MEIS2: variants seen among roughly 807,000 people sequenced by gnomAD.
The protein encoded by MEIS2 is homeobox protein Meis2.
A neutral mutation model predicts 58.6 loss-of-function variants in MEIS2; 9 were observed. The ratio of observed to expected loss-of-function variants is 0.15; its 90% CI spans 0.09 to 0.27. The LOEUF is 0.27. Ranked by LOEUF, MEIS2 falls within the 10% of genes least tolerant of loss-of-function variation. The probability of loss-of-function intolerance (pLI) is 1.00; values close to 1 mark genes in which losing one functional copy is unlikely to be tolerated. For missense variants in MEIS2, 427 were observed against 635.0 expected (o/e 0.67, Z 3.52); for synonymous variants, 221 against 228.4 (o/e 0.97, Z 0.29).
chr15:37,099,081 CA>C, intron 1 of MEIS2: 1 of 990,268 alleles, frequency 1.0e-6, no homozygotes, highest in Non-Finnish European at 1.2e-6. Flanking sequence ...GCCACGGCGG[CA>C]GCGGCGCAGC....
chr15:37,051,995 T>C (rs1271974429), intron 7 of MEIS2, among the ~76,000 whole-genome samples: 3 of 151,574 alleles, frequency 2.0e-5, no homozygotes, highest in African/African-American at 7.3e-5. Flanking sequence ...AAAATACCGA[T>C]AATAACTTTG....
intron 8 of MEIS2, among the ~76,000 whole-genome samples, chr15:36,953,779 G>A (rs940617910): frequency 1.1e-4 from 17 of 152,140 alleles, no homozygotes; most frequent in African/African-American, 3.9e-4. Context: ...ATTCTTCTAA[G>A]GACTCATTTG....
chr15:36,997,023 C>CTG (rs1283276733), intron 8 of MEIS2, among the ~76,000 whole-genome samples: 3 of 152,306 alleles, frequency 2.0e-5, no homozygotes, highest in South Asian at 4.1e-4. Flanking sequence ...AGGGTGAATT[C>CTG]AAACAGCCTC....
chr15:36,996,650 T>C (rs2060532050), intron 8 of MEIS2, among the ~76,000 whole-genome samples: 1 of 152,176 alleles, frequency 6.6e-6, no homozygotes, highest in South Asian at 2.1e-4. Context: ...TCAAATATCA[T>C]GGCCCAAAAT....
intron 8 of MEIS2, among the ~76,000 whole-genome samples, chr15:36,951,862 G>A (rs1595793736): frequency 6.6e-6 from 1 of 151,882 alleles, no homozygotes; most frequent in Non-Finnish European, 1.5e-5. Context: ...CTCCTGCTTC[G>A]AGTCTACCCA....
intron 8 of MEIS2, among the ~76,000 whole-genome samples, chr15:37,009,018 G>C (rs369199436): frequency 1.3e-5 from 2 of 152,174 alleles, no homozygotes; most frequent in South Asian, 4.1e-4. Flanking sequence ...GGTCAGGCGT[G>C]GTGGCTTACG....
rs377204162 is a variant in MEIS2 at position 37,093,641 on chromosome 15, G to T, written c.579C>A (p.Asp193Glu). The T allele has an allele frequency of 6.2e-7, 1 of 1,614,026 alleles. No homozygotes were observed. The highest frequency in any genetic ancestry group is 2.2e-5 in the East Asian group (1 of 44,888). ...CTTCATGATCTGACTTGGAGCTGCC[G>T]TCTCTTTCATCAATGACGAGGTCGA... ...MPIDLVIDERDGSSKSDHEEL... is the reference protein window; with the variant it reads ...MPIDLVIDEREGSSKSDHEEL... The change falls in exon 6 of 12, where the codon GAC becomes GAA. Residue 193 changes from aspartate to glutamate, a missense_variant. Physicochemically the swap from Asp to Glu is conservative, Grantham distance 45. Around this residue, in one of 6 missense-constraint regions of MEIS2, gnomAD observed 138 missense variants for 263.0 expected, o/e 0.52. Transcript: ENST00000561208.
intron 8 of MEIS2, among the ~76,000 whole-genome samples, chr15:37,003,730 A>AC (rs902203856): frequency 1.3e-5 from 2 of 152,084 alleles, no homozygotes; most frequent in Non-Finnish European, 2.9e-5. Flanking sequence ...TGAAATTCTA[A>AC]CCCCCAATGT....
At chr15:36,937,490 A>G (rs947987289) in intron 9 of MEIS2, among the ~76,000 whole-genome samples, 6 of 152,244 alleles carry the variant, frequency 3.9e-5, no homozygotes, top group Non-Finnish European at 8.8e-5. Context: ...CACTGTGCAC[A>G]GTTTCTACAT....
chr15:36,953,370 T>G (rs1440554620), intron 8 of MEIS2, among the ~76,000 whole-genome samples: 1 of 152,212 alleles, frequency 6.6e-6, no homozygotes, highest in Non-Finnish European at 1.5e-5. Flanking sequence ...TGGCTCAAAT[T>G]TAAAATAAAC....
chr15:37,076,353 T>C (rs1891415231), intron 7 of MEIS2, among the ~76,000 whole-genome samples: 1 of 152,098 alleles, frequency 6.6e-6, no homozygotes, highest in African/African-American at 2.4e-5. Context: ...TATTACAATG[T>C]ATAGCACCAT....
intron 8 of MEIS2, among the ~76,000 whole-genome samples, chr15:37,017,526 G>A (rs1200949830): frequency 6.6e-6 from 1 of 152,124 alleles, no homozygotes; most frequent in Non-Finnish European, 1.5e-5. Flanking sequence ...TGCAAAGATC[G>A]CTTGAGCCCA....
intron 8 of MEIS2, among the ~76,000 whole-genome samples, chr15:36,987,790 T>A (rs1331917616): frequency 6.6e-6 from 1 of 152,134 alleles, no homozygotes; most frequent in Non-Finnish European, 1.5e-5. Flanking sequence ...CCAGTTTTTT[T>A]TTTTTTTAAA....
At chr15:37,042,824 A>T (rs576161984) in intron 7 of MEIS2, among the ~76,000 whole-genome samples, 1 of 152,304 alleles carries the variant, frequency 6.6e-6, no homozygotes, top group East Asian at 1.9e-4. Context: ...GGTTTAACAC[A>T]GTCCAAGTGA....
intron 8 of MEIS2, among the ~76,000 whole-genome samples, chr15:36,989,530 C>T (rs2060200447): frequency 6.6e-6 from 1 of 152,204 alleles, no homozygotes; most frequent in African/African-American, 2.4e-5. Context: ...GCTCGGACTA[C>T]AACTGCCTTA....
chr15:36,983,568 A>G (rs1299774815), intron 8 of MEIS2, among the ~76,000 whole-genome samples: 2 of 151,986 alleles, frequency 1.3e-5, no homozygotes, highest in Non-Finnish European at 2.9e-5. Flanking sequence ...TATTTTTAAA[A>G]CAGTCAATAT....
At chr15:37,027,472 T>C (rs1228380793) in intron 8 of MEIS2, among the ~76,000 whole-genome samples, 3 of 152,216 alleles carry the variant, frequency 2.0e-5, no homozygotes, top group Admixed American at 2.0e-4. Flanking sequence ...ATTTTCCCTA[T>C]GATCTGAATG....
chr15:37,022,935 G>C (rs1328841279), intron 8 of MEIS2, among the ~76,000 whole-genome samples: 1 of 152,184 alleles, frequency 6.6e-6, no homozygotes, highest in African/African-American at 2.4e-5. Context: ...GATTACAGGC[G>C]TGGTCCACTG....
At chr15:37,025,175 C>A (rs2061660443) in intron 8 of MEIS2, among the ~76,000 whole-genome samples, 1 of 152,140 alleles carries the variant, frequency 6.6e-6, no homozygotes, top group Admixed American at 6.5e-5. Context: ...GGAGCTATGA[C>A]AGAGCAAACT....
Sources: gnomAD v4.1 joint callset for allele counts (sites outside exome capture counted in the v4.1 genomes callset) on GRCh38, gnomAD v4.1.1 for gene constraint, gnomAD v4.1.1 regional missense constraint, MANE v1.5 for transcripts, NCBI Gene and HGNC (gene_info 2026-07-23, HGNC 2026-07-21) for gene names.